CA8: variants seen among roughly 807,000 people sequenced by gnomAD.
CA8 encodes carbonic anhydrase 8 (inactive).
Under a neutral mutation model 41.4 loss-of-function variants are expected in CA8, and 22 were observed. The ratio of observed to expected loss-of-function variants is 0.53; its 90% CI spans 0.38 to 0.76. CA8 has a LOEUF of 0.76. CA8 is among the 30% of genes least tolerant of loss of function. CA8 has a pLI of 0.00. For missense variants in CA8, 270 were observed against 352.8 expected (o/e 0.77, Z 1.88); for synonymous variants, 121 against 130.6 (o/e 0.93, Z 0.50).
intron 8 of CA8, among the ~76,000 whole-genome samples, chr8:60,202,113 G>A (rs999594923): frequency 1.1e-4 from 16 of 150,938 alleles, no homozygotes; most frequent in African/African-American, 3.4e-4. Flanking sequence ...GCACGATCTC[G>A]GATCACTGCA....
chr8:60,244,339 T>C (rs749099566), intron 3 of CA8, among the ~76,000 whole-genome samples: 1 of 152,196 alleles, frequency 6.6e-6, no homozygotes, highest in Non-Finnish European at 1.5e-5. Context: ...CCTGCAATTA[T>C]ATACTGCAAG....
chr8:60,240,353 A>C (rs553641258), intron 3 of CA8, among the ~76,000 whole-genome samples: 1 of 152,382 alleles, frequency 6.6e-6, no homozygotes, highest in African/African-American at 2.4e-5. Context: ...AAACAAGTGG[A>C]GCAAGGCCAA....
At chr8:60,269,327 T>C (rs1321588573) in intron 2 of CA8, among the ~76,000 whole-genome samples, 2 of 152,214 alleles carry the variant, frequency 1.3e-5, no homozygotes, top group East Asian at 1.9e-4. Context: ...ATTGGGTCAC[T>C]ACATGGCAGG....
chr8:60,192,883 A>C (rs140045147), intron 8 of CA8, among the ~76,000 whole-genome samples: 1 of 147,752 alleles, frequency 6.8e-6, no homozygotes, highest in Non-Finnish European at 1.5e-5. Flanking sequence ...ATTATGTATA[A>C]ATTTTTCCTA....
At chr8:60,271,190 A>C (rs556001892) in intron 2 of CA8, among the ~76,000 whole-genome samples, 1 of 152,242 alleles carries the variant, frequency 6.6e-6, no homozygotes, top group South Asian at 2.1e-4. Flanking sequence ...CCAAAAATTT[A>C]AAAATTAGCT....
At chr8:60,262,335 CAAAAAAA>C (rs11424117) in intron 3 of CA8, among the ~76,000 whole-genome samples, 4 of 109,324 alleles carry the variant, frequency 3.7e-5, no homozygotes, top group Non-Finnish European at 7.8e-5. Context: ...AGCAAAATGG[CAAAAAAA>C]AAAAAAAAAA....
At chr8:60,210,043 C>T (rs988920336) in intron 7 of CA8, among the ~76,000 whole-genome samples, 1 of 152,218 alleles carries the variant, frequency 6.6e-6, no homozygotes, top group Non-Finnish European at 1.5e-5. Flanking sequence ...AAGTGCCACA[C>T]AGTCACATGA....
intron 7 of CA8, among the ~76,000 whole-genome samples, chr8:60,219,144 T>C (rs1807140613): frequency 6.7e-6 from 1 of 150,214 alleles, no homozygotes; most frequent in Admixed American, 6.8e-5. Context: ...TTGGGTGTCT[T>C]ATTTCTTTTG....
chr8:60,193,503 T>G (rs1806193974), intron 8 of CA8, among the ~76,000 whole-genome samples: 1 of 152,196 alleles, frequency 6.6e-6, no homozygotes, highest in East Asian at 1.9e-4. Flanking sequence ...GGAAATAAAT[T>G]TGTGGTGGCT....
Position 60,281,061 on chromosome 8 carries a change from C to G in CA8, c.87G>C (p.Trp29Cys). Reference sequence around the variant, plus strand: ...GCGGCCACTTACCTTCCTCGTAGCCCCACTCCACACCCTCCTCTTCTTCCT... The same window carrying G: ...GCGGCCACTTACCTTCCTCGTAGCCGCACTCCACACCCTCCTCTTCTTCCT... ...DEEEEEEGVE[W>C]GYEEGVEWGL... The change falls in exon 1 of 9, where the codon TGG becomes TGC. Residue 29 changes from tryptophan to cysteine, a missense_variant. Physicochemically the swap from Trp to Cys is radical, Grantham distance 215. Coordinates refer to ENST00000317995, the MANE Select transcript of CA8 (RefSeq NM_004056.6). The G allele has an allele frequency of 1.2e-6, 2 of 1,610,742 alleles. No homozygotes were observed. The highest frequency in any genetic ancestry group is 1.7e-6 in the Non-Finnish European group (2 of 1,178,910).
At chr8:60,248,719 T>G (rs1808339356) in intron 3 of CA8, among the ~76,000 whole-genome samples, 1 of 152,186 alleles carries the variant, frequency 6.6e-6, no homozygotes, top group Non-Finnish European at 1.5e-5. Flanking sequence ...TGCTTAGAAT[T>G]GTCTTGGCTA....
intron 3 of CA8, among the ~76,000 whole-genome samples, chr8:60,239,623 A>C (rs1807948253): frequency 6.6e-6 from 1 of 152,208 alleles, no homozygotes; most frequent in Non-Finnish European, 1.5e-5. Flanking sequence ...CCCTAGAGAA[A>C]TGTGACCTTG....
At chr8:60,216,664 C>G (rs190303967) in intron 7 of CA8, among the ~76,000 whole-genome samples, 2 of 152,208 alleles carry the variant, frequency 1.3e-5, no homozygotes, top group African/African-American at 4.8e-5. Flanking sequence ...GCCTAAGGCA[C>G]GATGGTCTGT....
In CA8 at chr8:60,190,957, T is replaced by C. The variant is rs201591527; in HGVS notation, c.*36-972A>G. 1.5e-3 allele frequency among the ~76,000 whole-genome samples: 155 copies of C among 104,192 alleles called. 6 individuals carry two copies. Among genetic ancestry groups the C allele is most frequent in the South Asian group, 0.012 (39 of 3,246 alleles). The allele number at this position is 104,192 out of a possible 152,430, so 68.4% of individuals were successfully genotyped here. On this transcript the variant is annotated intron_variant, in intron 8 of 8. Transcript: ENST00000317995. Reference sequence around the variant, plus strand: ...CACACACTATATATATATATATATATACACACACACATTTCTACATATGCA... The same window carrying C: ...CACACACTATATATATATATATATACACACACACACATTTCTACATATGCA...
chr8:60,210,499 C>A, intron 7 of CA8, among the ~76,000 whole-genome samples: 1 of 152,176 alleles, frequency 6.6e-6, no homozygotes, highest in Non-Finnish European at 1.5e-5. Context: ...GGCTCCCTGA[C>A]TCCAAGAGTT....
intron 3 of CA8, among the ~76,000 whole-genome samples, chr8:60,256,054 C>T (rs890582896): frequency 5.9e-5 from 9 of 151,634 alleles, no homozygotes; most frequent in African/African-American, 1.5e-4. Flanking sequence ...GATTAAGGCA[C>T]GTGCCTATAT....
At position 60,281,183 on chromosome 8, in the gene CA8, C is replaced by T. The variant is rs1348052471; in HGVS notation, c.-36G>A. 1.4e-6 allele frequency: 2 copies of T among 1,450,948 alleles called. No individual in the cohort carries two copies. The highest frequency in any genetic ancestry group is 1.9e-6 in the Non-Finnish European group (2 of 1,063,116). 89.9% of individuals were successfully genotyped at this position (1,450,948 alleles called of 1,614,324 possible). ...CGGGGCCCCTCGGCGCTCTCGGCAG[C>T]AGTGCCTGCGCCTTCGCTGGGCGCG... On this transcript the variant is annotated 5_prime_UTR_variant, in exon 1 of 9. Coordinates refer to ENST00000317995, the MANE Select transcript of CA8 (RefSeq NM_004056.6).
chr8:60,277,526 G>T lies in CA8; in HGVS notation c.292+2163C>A, dbSNP rs189801317. ...GTGCCACCATGCCCAGCTAATTTTTGGATTTTTTAGTAGAGATGGGGTTTC... is the reference window on the plus strand; with the variant it reads ...GTGCCACCATGCCCAGCTAATTTTTTGATTTTTTAGTAGAGATGGGGTTTC... On this transcript the variant is annotated intron_variant, in intron 2 of 8. Coordinates refer to ENST00000317995, the MANE Select transcript of CA8 (RefSeq NM_004056.6). Among the ~76,000 whole-genome samples, 52 of 152,084 alleles carry T rather than the reference G, an allele frequency of 3.4e-4. 1 individual carries two copies. In the East Asian group the frequency reaches 9.7e-3, roughly 28 times the overall value.
At chr8:60,222,129 T>C (rs1010325523) in intron 7 of CA8, among the ~76,000 whole-genome samples, 1 of 152,194 alleles carries the variant, frequency 6.6e-6, no homozygotes, top group South Asian at 2.1e-4. Flanking sequence ...CCACCCACCG[T>C]GCAGTACCAT....
Sources: allele counts gnomAD v4.1 joint callset (sites outside exome capture counted in the v4.1 genomes callset), GRCh38; gene constraint gnomAD v4.1.1; transcripts MANE v1.5; gene names NCBI Gene and HGNC (gene_info 2026-07-23, HGNC 2026-07-21).